Variants in INSL6 observed in about 807,000 individuals in gnomAD.
INSL6 encodes the protein insulin like 6, also known as insulin-like peptide INSL6.
In INSL6, 16 loss-of-function variants were observed where a neutral mutation model predicts 9.4. That is an observed-to-expected ratio of 1.70 (90% CI 1.15 to 2.59). INSL6 has a LOEUF of 2.59. Among genes scored for constraint, INSL6 ranks in the 30% most tolerant of loss-of-function variants. The probability of loss-of-function intolerance (pLI) is 0.00; values close to 1 mark genes in which losing one functional copy is unlikely to be tolerated. For missense variants in INSL6, 391 were observed against 257.3 expected (o/e 1.52, Z -3.56); for synonymous variants, 154 against 96.9 (o/e 1.59, Z -3.46).
At chr9:5,043,102 A>T in the INSL6 span, among the ~76,000 whole-genome samples, 1 of 152,146 alleles carries the variant, frequency 6.6e-6, no homozygotes, top group African/African-American at 2.4e-5. Context: ...GCCGCAGACA[A>T]AATGCCTTAA....
At chr9:5,068,900 A>G in the INSL6 span, 2 of 597,362 alleles carry the variant, frequency 3.3e-6, no homozygotes, top group Non-Finnish European at 2.9e-6. Flanking sequence ...CTGGCACTAC[A>G]TCGGATTCAT....
chr9:5,077,611 A>C, the INSL6 span: 4 of 1,378,756 alleles, frequency 2.9e-6, no homozygotes, highest in Non-Finnish European at 3.9e-6. Flanking sequence ...ATCAAAAGAT[A>C]CTATTTTATT....
chr9:5,146,443 G>C (rs1189468296), intron 2 of INSL6, among the ~76,000 whole-genome samples: 3 of 152,222 alleles, frequency 2.0e-5, no homozygotes, highest in East Asian at 1.9e-4. Flanking sequence ...CCCTCCTGGA[G>C]ACTGTGTGCA....
At chr9:5,055,528 A>G in the INSL6 span, 1 of 594,610 alleles carries the variant, frequency 1.7e-6, no homozygotes, top group South Asian at 2.3e-5. Flanking sequence ...GATAGAGTAA[A>G]TCACGTTTAA....
chr9:5,154,321 T>C (rs1330871286), intron 2 of INSL6, among the ~76,000 whole-genome samples: 1 of 152,186 alleles, frequency 6.6e-6, no homozygotes, highest in Non-Finnish European at 1.5e-5. Flanking sequence ...CAAAAATTAA[T>C]TCAAGATGGA....
chr9:5,069,695 A>G, the INSL6 span, among the ~76,000 whole-genome samples: 2 of 152,176 alleles, frequency 1.3e-5, no homozygotes, highest in Non-Finnish European at 2.9e-5. Flanking sequence ...CAAAATCCAA[A>G]TTACATTAGT....
the INSL6 span, chr9:5,055,016 G>A: frequency 2.4e-4 from 142 of 580,718 alleles, no homozygotes; most frequent in Non-Finnish European, 3.8e-4. Flanking sequence ...TTTTAATAGC[G>A]TGAACCTATC....
the INSL6 span, among the ~76,000 whole-genome samples, chr9:5,068,420 T>C: frequency 6.6e-6 from 1 of 152,228 alleles, no homozygotes; most frequent in Non-Finnish European, 1.5e-5. Flanking sequence ...AATGGCTGTA[T>C]GTTCACCTTT....
At chr9:5,181,034 T>C (rs1281142039) in intron 1 of INSL6, among the ~76,000 whole-genome samples, 1 of 152,190 alleles carries the variant, frequency 6.6e-6, no homozygotes, top group Non-Finnish European at 1.5e-5. Flanking sequence ...AGCTGTAAAA[T>C]TCCTTTCTTT....
the INSL6 span, among the ~76,000 whole-genome samples, chr9:4,995,101 A>C: frequency 1.1e-4 from 17 of 152,202 alleles, no homozygotes; most frequent in Admixed American, 2.6e-4. Flanking sequence ...TTTTCAGATG[A>C]CTTGATTGTT....
chr9:5,076,809 ATCT>A, the INSL6 span, among the ~76,000 whole-genome samples: 1 of 152,170 alleles, frequency 6.6e-6, no homozygotes, highest in Non-Finnish European at 1.5e-5. Context: ...AAAATTGATA[ATCT>A]TCTCAAAAGC....
chr9:5,114,715 A>G, the INSL6 span: 1 of 383,580 alleles, frequency 2.6e-6, no homozygotes, highest in Non-Finnish European at 5.1e-6. Flanking sequence ...GCTGAATGGG[A>G]ACAGAAAAAC....
chr9:5,089,533 G>C, the INSL6 span: 2 of 302,236 alleles, frequency 6.6e-6, no homozygotes, highest in African/African-American at 8.8e-5. Flanking sequence ...GCGAGACTTC[G>C]TCTCAAAAAA....
At chr9:5,072,482 T>C in the INSL6 span, 9 of 1,528,168 alleles carry the variant, frequency 5.9e-6, no homozygotes, top group Non-Finnish European at 7.9e-6. Context: ...TTTACCTTTT[T>C]CTCTTGAAGA....
the INSL6 span, among the ~76,000 whole-genome samples, chr9:5,016,098 G>A: frequency 1.3e-5 from 2 of 150,096 alleles, no homozygotes; most frequent in Non-Finnish European, 1.5e-5. Flanking sequence ...ACTGCCAGCC[G>A]TCGCTTCCCT....
chr9:5,084,972 G>A, the INSL6 span: 6 of 759,032 alleles, frequency 7.9e-6, no homozygotes, highest in Non-Finnish European at 8.9e-6. Flanking sequence ...TGAGATAGCT[G>A]CCAGAAAGAA....
the INSL6 span, among the ~76,000 whole-genome samples, chr9:5,023,362 G>A: frequency 2.6e-5 from 4 of 152,106 alleles, no homozygotes; most frequent in African/African-American, 9.7e-5. Flanking sequence ...ATGCCACTGG[G>A]CCCCAGGGGA....
At chr9:5,169,266 G>A (rs1825128239) in intron 1 of INSL6, among the ~76,000 whole-genome samples, 1 of 152,064 alleles carries the variant, frequency 6.6e-6, no homozygotes, top group South Asian at 2.1e-4. Flanking sequence ...ACTGTATCTG[G>A]CCAAACTAAG....
chr9:5,156,312 G>T (rs1824813907), intron 2 of INSL6, among the ~76,000 whole-genome samples: 2 of 152,140 alleles, frequency 1.3e-5, no homozygotes, highest in African/African-American at 2.4e-5. Flanking sequence ...AAATAAAGGA[G>T]GCAACACTTC....
Sources: gnomAD v4.1 joint callset for allele counts (sites outside exome capture counted in the v4.1 genomes callset) on GRCh38, gnomAD v4.1.1 for gene constraint, MANE v1.5 for transcripts, NCBI Gene and HGNC (gene_info 2026-07-23, HGNC 2026-07-21) for gene names.